Variants in ULK4 observed in about 807,000 individuals in gnomAD.
The protein encoded by ULK4 is inactive serine/threonine-protein kinase ULK4.
ULK4 carries 133 observed loss-of-function variants against 160.6 expected under a neutral mutation model. The ratio of observed to expected loss-of-function variants is 0.83; its 90% CI spans 0.72 to 0.96. ULK4 has a LOEUF of 0.96. Among genes scored for constraint, ULK4 ranks in the 40% least tolerant of loss-of-function variants. ULK4 has a pLI of 0.00. For synonymous variants in ULK4, 534 were observed against 539.8 expected (o/e 0.99, Z 0.15); for missense variants, 1,580 against 1,499.5 (o/e 1.05, Z -0.89).
rs79502502 is a variant in ULK4, at chr3:41,555,258, C to A, written c.3226+10767G>T. ...AAAAATGCAAAAGTACAAATTTTTG[C>A]AAACTATGCATCTGACAAAGGCCTA... On this transcript the variant is annotated intron_variant, in intron 32 of 36. Coordinates refer to ENST00000301831, the MANE Select transcript of ULK4 (RefSeq NM_017886.4). Among the ~76,000 whole-genome samples, 372 of 149,562 alleles carry A rather than the reference C, an allele frequency of 2.5e-3. 1 individual carries two copies. Among genetic ancestry groups the A allele is most frequent in the African/African-American group, 8.3e-3 (336 of 40,662 alleles).
intron 30 of ULK4, among the ~76,000 whole-genome samples, chr3:41,653,712 T>TTAA (rs1362877697): frequency 3.3e-5 from 5 of 152,182 alleles, no homozygotes; most frequent in Non-Finnish European, 1.5e-5. Context: ...CATTCATCTC[T>TTAA]TTAAGTTTTA....
chr3:41,371,337 T>G (rs1169930691), intron 35 of ULK4, among the ~76,000 whole-genome samples: 1 of 152,216 alleles, frequency 6.6e-6, no homozygotes, highest in African/African-American at 2.4e-5. Flanking sequence ...CTGACCCCCG[T>G]GCCTCCTGAT....
At chr3:41,376,176 G>T (rs1000020961) in intron 35 of ULK4, among the ~76,000 whole-genome samples, 1 of 150,326 alleles carries the variant, frequency 6.7e-6, no homozygotes, top group Non-Finnish European at 1.5e-5. Flanking sequence ...CTGTTGGTGG[G>T]AGTGTAAATT....
At chr3:41,590,926 G>A (rs1483073820) in intron 31 of ULK4, among the ~76,000 whole-genome samples, 1 of 152,058 alleles carries the variant, frequency 6.6e-6, no homozygotes, top group East Asian at 1.9e-4. Context: ...AACGATGGTT[G>A]AAGAATTTTT....
intron 33 of ULK4, among the ~76,000 whole-genome samples, chr3:41,458,303 T>A (rs2083601285): frequency 6.6e-6 from 1 of 152,196 alleles, no homozygotes; most frequent in African/African-American, 2.4e-5. Flanking sequence ...TCCTAGAGGA[T>A]GGGGACTGAA....
At chr3:41,256,083 A>G (rs1234670643) in intron 35 of ULK4, among the ~76,000 whole-genome samples, 2 of 152,240 alleles carry the variant, frequency 1.3e-5, no homozygotes, top group East Asian at 1.9e-4. Flanking sequence ...GATACACAAT[A>G]TTCAAGGATT....
rs61745795 is a variant in ULK4 at position 41,717,796 on chromosome 3, T to C, written c.2387A>G (p.Asn796Ser). 0.023 allele frequency: 37,609 copies of C among 1,614,074 alleles called. 563 individuals carry two copies. Among genetic ancestry groups the C allele is most frequent in the East Asian group, 0.028 (1,245 of 44,870 alleles). ...ATCCAGGCATTTGGACAGGTATTCA[T>C]TGCCACTTTGCTGCTCCTTGCCTGG... ...TTPGKEQQSG[N>S]EYLSKCLDLL... is the part of the protein sequence containing the mutation. Residue 796 changes from asparagine (N) to serine (S), a missense_variant, in exon 23 of 37, where the codon AAT (asparagine) becomes AGT (serine). Coordinates refer to ENST00000301831, the MANE Select transcript of ULK4 (RefSeq NM_017886.4).
chr3:41,602,106 G>A (rs146242712), intron 31 of ULK4, among the ~76,000 whole-genome samples: 1 of 152,014 alleles, frequency 6.6e-6, no homozygotes, highest in African/African-American at 2.4e-5. Flanking sequence ...TGAGGTAATA[G>A]GATCACTTGA....
At chr3:41,470,456 C>T (rs1378057634) in intron 32 of ULK4, among the ~76,000 whole-genome samples, 1 of 152,104 alleles carries the variant, frequency 6.6e-6, no homozygotes, top group Admixed American at 6.5e-5. Context: ...CTAGGCTTGC[C>T]TTACATGATT....
intron 30 of ULK4, among the ~76,000 whole-genome samples, chr3:41,654,743 G>A (rs2034867747): frequency 6.6e-6 from 1 of 152,188 alleles, no homozygotes; most frequent in African/African-American, 2.4e-5. Flanking sequence ...ATTTGAACAA[G>A]TGGCTGAGAG....
At chr3:41,933,399 A>G (rs930525391) in intron 4 of ULK4, among the ~76,000 whole-genome samples, 1 of 152,222 alleles carries the variant, frequency 6.6e-6, no homozygotes, top group African/African-American at 2.4e-5. Flanking sequence ...TTTCATTTCA[A>G]TGGAATCTCA....
intron 17 of ULK4, among the ~76,000 whole-genome samples, chr3:41,863,007 C>G (rs2042539303): frequency 6.6e-6 from 1 of 151,420 alleles, no homozygotes; most frequent in Admixed American, 6.6e-5. Context: ...CAGCAGGTGG[C>G]AAAGCCAGCC....
intron 6 of ULK4, 114 bp from the exon 7 acceptor site, chr3:41,918,654 T>G: frequency 1.9e-6 from 1 of 530,080 alleles, no homozygotes. Flanking sequence ...CAGGCTGGAG[T>G]GCAGTGGCGC....
chr3:41,388,071 T>C (rs1463071305), intron 35 of ULK4, among the ~76,000 whole-genome samples: 3 of 152,314 alleles, frequency 2.0e-5, no homozygotes, highest in East Asian at 3.9e-4. Context: ...CCATTCTAAC[T>C]GGTGTGAGAT....
At position 41,260,955 on chromosome 3, in the gene ULK4, T is replaced by C. The variant is rs1277037554; in HGVS notation, c.3679-11381A>G. On this transcript the variant is annotated intron_variant, in intron 35 of 36. Transcript: ENST00000301831. ...TGAGGCCTGAGGAAGTGGTGGCATCTGGAATACAGTGATTCCTCAAGGTGA... is the reference window on the plus strand; with the variant it reads ...TGAGGCCTGAGGAAGTGGTGGCATCCGGAATACAGTGATTCCTCAAGGTGA... Among the ~76,000 whole-genome samples, 4 of 152,294 alleles carry C rather than the reference T, an allele frequency of 2.6e-5. No individual in the cohort carries two copies. The East Asian group carries it at 7.7e-4, about 29-fold the overall frequency.
intron 35 of ULK4, 84 bp downstream of exon 35, chr3:41,397,995 T>C (rs2082098747): frequency 1.4e-6 from 2 of 1,452,422 alleles, no homozygotes; most frequent in Admixed American, 2.3e-5. Flanking sequence ...AAATTTGAAA[T>C]TAGGTCCAAG....
intron 30 of ULK4, among the ~76,000 whole-genome samples, chr3:41,621,008 T>C (rs866731067): frequency 9.2e-5 from 14 of 152,228 alleles, no homozygotes; most frequent in Middle Eastern, 3.4e-3. Flanking sequence ...TGAACTCTCA[T>C]TCACAATTGC....
chr3:41,359,089 C>A (rs1294611236), intron 35 of ULK4, among the ~76,000 whole-genome samples: 1 of 152,164 alleles, frequency 6.6e-6, no homozygotes, highest in Non-Finnish European at 1.5e-5. Context: ...TCAGAGTTCA[C>A]CCTACTGAAG....
chr3:41,443,167 G>A (rs1364037500), intron 34 of ULK4, among the ~76,000 whole-genome samples: 1 of 152,116 alleles, frequency 6.6e-6, no homozygotes. Flanking sequence ...ATTCTCACCA[G>A]GTTTCTCTGG....
Sources: allele counts gnomAD v4.1 joint callset (sites outside exome capture counted in the v4.1 genomes callset), GRCh38; gene constraint gnomAD v4.1.1; transcripts MANE v1.5; gene names NCBI Gene and HGNC (gene_info 2026-07-23, HGNC 2026-07-21).